ACOT11: variants seen among roughly 807,000 people sequenced by gnomAD.
ACOT11 encodes acyl-coenzyme A thioesterase 11.
Under a neutral mutation model 77.5 loss-of-function variants are expected in ACOT11, and 69 were observed. The ratio of observed to expected loss-of-function variants is 0.89; its 90% CI spans 0.73 to 1.09. The LOEUF (loss-of-function observed/expected upper bound fraction) is 1.09, where lower values mean the gene tolerates loss of function less well. ACOT11 is among the 50% of genes least tolerant of loss of function. The pLI is 0.00. For missense variants in ACOT11, 766 were observed against 813.7 expected (o/e 0.94, Z 0.71); for synonymous variants, 279 against 313.0 (o/e 0.89, Z 1.15).
intron 1 of ACOT11, among the ~76,000 whole-genome samples, chr1:54,580,262 G>A (rs572199994): frequency 1.1e-3 from 174 of 152,296 alleles, no homozygotes; most frequent in Middle Eastern, 0.01. Context: ...GGTCACCCAG[G>A]CGTGCTCTTC....
chr1:54,562,566 C>T lies in ACOT11; in HGVS notation c.33+14224C>T, dbSNP rs569790611. 5.1e-3 allele frequency among the ~76,000 whole-genome samples: 747 copies of T among 146,456 alleles called. 9 individuals carry two copies. The highest frequency in any genetic ancestry group is 6.7e-3 in the Non-Finnish European group (439 of 65,550). Reference sequence around the variant, plus strand: ...GCTGACCCACCCCCCACCTCCCTCCCGGACGGGGTGGCTGCCGGGCGGAGA... The same window carrying T: ...GCTGACCCACCCCCCACCTCCCTCCTGGACGGGGTGGCTGCCGGGCGGAGA... On this transcript the variant is annotated intron_variant, in intron 1 of 15. Coordinates refer to ENST00000343744, the MANE Select transcript of ACOT11 (RefSeq NM_147161.4).
chr1:54,559,490 T>G (rs1482035566), intron 1 of ACOT11, among the ~76,000 whole-genome samples: 1 of 152,244 alleles, frequency 6.6e-6, no homozygotes, highest in Non-Finnish European at 1.5e-5. Flanking sequence ...TTTCCTAATA[T>G]GAACCAGTTC....
At chr1:54,565,249 T>C (rs1653694184) in intron 1 of ACOT11, among the ~76,000 whole-genome samples, 1 of 152,198 alleles carries the variant, frequency 6.6e-6, no homozygotes, top group South Asian at 2.1e-4. Flanking sequence ...TGATACTCTT[T>C]ACCCGGCAGA....
At chr1:54,549,865 T>A (rs1653001937) in intron 1 of ACOT11, among the ~76,000 whole-genome samples, 1 of 152,242 alleles carries the variant, frequency 6.6e-6, no homozygotes, top group Admixed American at 6.5e-5. Flanking sequence ...GCTCCTCGTA[T>A]CTTCTCTTGT....
intron 1 of ACOT11, 144 bp downstream of exon 1, chr1:54,548,486 T>C (rs1652951779): frequency 2.6e-6 from 3 of 1,132,320 alleles, no homozygotes; most frequent in Non-Finnish European, 2.5e-6. Flanking sequence ...GAAGGAGAAA[T>C]CGCAGAACCC....
chr1:54,584,313 G>A lies in ACOT11; in HGVS notation c.34-342G>A, dbSNP rs532032083. On this transcript the variant is annotated intron_variant, in intron 1 of 15. Transcript: ENST00000343744. The surrounding 1 kb of genome is among the most constrained non-coding windows in gnomAD (Gnocchi z 6.3). ...AGAGGCGACTCTTTCCAGAATGAAC[G>A]TAAATCTAAGGCAACACTTTAAACA... is the stretch of plus-strand genomic sequence containing the variant. Among the ~76,000 whole-genome samples, 28 of 152,258 alleles carry A rather than the reference G, an allele frequency of 1.8e-4. No homozygotes were observed. Among genetic ancestry groups the A allele is most frequent in the East Asian group, 1.2e-3 (6 of 5,172 alleles).
At chr1:54,638,700 G>GT in exon 17 of ACOT11, 1 of 151,838 alleles carries the variant, frequency 6.6e-6, no homozygotes, top group South Asian at 2.1e-4. Flanking sequence ...TTATTTGTTT[G>GT]TTTTTAGAGA....
chr1:54,615,389 G>A (rs762448013), intron 15 of ACOT11, among the ~76,000 whole-genome samples: 52 of 152,146 alleles, frequency 3.4e-4, no homozygotes, highest in Non-Finnish European at 3.4e-4. Context: ...GGACAATGGG[G>A]AGCCACGGAG....
Position 54,548,257 on chromosome 1 carries a change from G to A in ACOT11, c.-53G>A, listed in dbSNP as rs1040040948. ...GGAGTCAGGCCTGGCTGTTGCTCAG[G>A]TGACCAGCTTGTGTCTCTGGGAGGG... On this transcript the variant is annotated 5_prime_UTR_variant, in exon 1 of 16. In the 5' UTR this introduces an upstream ATG that the reference lacks. Transcript: ENST00000343744. 1.1e-5 allele frequency: 17 copies of A among 1,569,740 alleles called. No homozygotes were observed. The highest frequency in any genetic ancestry group is 2.7e-5 in the African/African-American group (2 of 73,906).
At chr1:54,604,996 AG>A in intron 12 of ACOT11, 79 bp from the exon 13 acceptor site, 1 of 1,470,724 alleles carries the variant, frequency 6.8e-7, no homozygotes, top group Non-Finnish European at 9.2e-7. Context: ...TGTAGCCCTG[AG>A]CTTCCAGTCT....
rs760609736 is a variant in ACOT11 at position 54,608,080 on chromosome 1, C to T, written c.1629+12C>T. On this transcript the variant is annotated intron_variant, in intron 15 of 15. Coordinates refer to ENST00000343744, the MANE Select transcript of ACOT11 (RefSeq NM_147161.4). The stretch of plus-strand genomic sequence containing the variant: ...ACCAGCTGACCAAGGTGAGGCCGGT[C>T]CCCCCAACCACGCCCCCAGCCTGGC... 1 of 1,603,830 alleles carries T rather than the reference C, an allele frequency of 6.2e-7. No homozygotes were observed. The highest frequency in any genetic ancestry group is 1.1e-5 in the South Asian group (1 of 90,790).
At chr1:54,630,679 C>T (rs1644294339) in intron 15 of ACOT11, 1 of 578,284 alleles carries the variant, frequency 1.7e-6, no homozygotes, top group Non-Finnish European at 3.2e-6. Context: ...TGTGAGACCC[C>T]TGATTTCCCA....
chr1:54,623,299 C>T (rs1306043029), intron 15 of ACOT11: 2 of 1,613,886 alleles, frequency 1.2e-6, no homozygotes, highest in Non-Finnish European at 1.7e-6. Flanking sequence ...AGGGTGATGG[C>T]AAGGACTATT....
chr1:54,618,769 G>A (rs1282455504), intron 15 of ACOT11, among the ~76,000 whole-genome samples: 1 of 152,132 alleles, frequency 6.6e-6, no homozygotes, highest in Non-Finnish European at 1.5e-5. Context: ...TGTGCAGACC[G>A]TGAATTGACA....
At chr1:54,595,969 G>A (rs958649524) in intron 6 of ACOT11, among the ~76,000 whole-genome samples, 3 of 152,194 alleles carry the variant, frequency 2.0e-5, no homozygotes, top group Non-Finnish European at 2.9e-5. Context: ...GTTCTACTGG[G>A]CTTGGAGGCC....
intron 1 of ACOT11, among the ~76,000 whole-genome samples, chr1:54,550,541 T>C (rs927762274): frequency 6.6e-6 from 1 of 152,122 alleles, no homozygotes; most frequent in African/African-American, 2.4e-5. Flanking sequence ...TGGCCAGCTG[T>C]GGTGGCTCAC....
chr1:54,588,802 G>A (rs957931213), intron 3 of ACOT11, among the ~76,000 whole-genome samples: 3 of 152,150 alleles, frequency 2.0e-5, no homozygotes, highest in Non-Finnish European at 4.4e-5. Context: ...TCAGCAGAGT[G>A]AAGGTGAATC....
At chr1:54,616,662 C>G (rs1204250839) in intron 15 of ACOT11, among the ~76,000 whole-genome samples, 1 of 152,148 alleles carries the variant, frequency 6.6e-6, no homozygotes, top group African/African-American at 2.4e-5. Context: ...CGTGAGCCAC[C>G]GTGCCCGGCC....
rs114848990 is a variant in ACOT11 at position 54,570,219 on chromosome 1, A to T, written c.34-14436A>T. Among the ~76,000 whole-genome samples the T allele has an allele frequency of 7.4e-3, 1,125 of 152,308 alleles. 17 individuals are homozygous for T. Among genetic ancestry groups the T allele is most frequent in the African/African-American group, 0.025 (1,059 of 41,566 alleles). On this transcript the variant is annotated intron_variant, in intron 1 of 15. Coordinates refer to ENST00000343744, the MANE Select transcript of ACOT11 (RefSeq NM_147161.4). ...CAGTTGTGGAGTCTGGTTAGACCAT[A>T]TGTGGGCGTCTGCGGGAGGCTTCGT...
Sources: allele counts gnomAD v4.1 joint callset (sites outside exome capture counted in the v4.1 genomes callset), GRCh38; gene constraint gnomAD v4.1.1; non-coding constraint Gnocchi (gnomAD v3.1); transcripts MANE v1.5; gene names NCBI Gene and HGNC (gene_info 2026-07-23, HGNC 2026-07-21).